MIPOL1: variants seen among roughly 807,000 people sequenced by gnomAD.
The protein encoded by MIPOL1 is mirror-image polydactyly gene 1 protein.
A neutral mutation model predicts 60.9 loss-of-function variants in MIPOL1; 57 were observed. That is an observed-to-expected ratio of 0.94 (90% confidence interval 0.76 to 1.17). The LOEUF is 1.17. MIPOL1 is among the 50% of genes most tolerant of loss of function. The pLI, the probability that MIPOL1 is intolerant of heterozygous loss-of-function variation, is 0.00. For synonymous variants in MIPOL1, 179 were observed against 168.8 expected, an observed-to-expected ratio of 1.06 and a Z score of -0.47; for missense variants, 551 against 511.6, an observed-to-expected ratio of 1.08 and a Z score of -0.74.
intron 1 of MIPOL1, among the ~76,000 whole-genome samples, chr14:37,214,186 C>T (rs974160233): frequency 2.0e-5 from 3 of 151,310 alleles, no homozygotes; most frequent in East Asian, 2.0e-4. Flanking sequence ...TACTATGGCA[C>T]GGTAACTGTG....
intron 7 of MIPOL1, among the ~76,000 whole-genome samples, chr14:37,286,359 G>A (rs936143902): frequency 3.3e-5 from 5 of 152,144 alleles, no homozygotes; most frequent in African/African-American, 7.2e-5. Context: ...TTGTCAGAGT[G>A]CAGATTCTGG....
At chr14:37,256,326 A>T (rs948827269) in intron 3 of MIPOL1, among the ~76,000 whole-genome samples, 1 of 151,934 alleles carries the variant, frequency 6.6e-6, no homozygotes, top group Non-Finnish European at 1.5e-5. Flanking sequence ...GACAGAACAA[A>T]TATGTAGTCC....
intron 12 of MIPOL1, among the ~76,000 whole-genome samples, chr14:37,542,466 C>T (rs1448961755): frequency 1.3e-5 from 2 of 152,090 alleles, no homozygotes; most frequent in Non-Finnish European, 2.9e-5. Flanking sequence ...CCATCTTTAA[C>T]CTCTTATTTT....
At chr14:37,371,320 A>G (rs1276204795) in intron 10 of MIPOL1, among the ~76,000 whole-genome samples, 4 of 152,004 alleles carry the variant, frequency 2.6e-5, no homozygotes, top group Non-Finnish European at 4.4e-5. Flanking sequence ...AGGTTTCACT[A>G]TGTTGGCCAG....
At chr14:37,253,353 G>T (rs1974409270) in intron 3 of MIPOL1, among the ~76,000 whole-genome samples, 1 of 151,690 alleles carries the variant, frequency 6.6e-6, no homozygotes, top group African/African-American at 2.4e-5. Context: ...GAAATAGAGA[G>T]ATAATCTATT....
intron 11 of MIPOL1, among the ~76,000 whole-genome samples, chr14:37,469,720 A>G (rs1317366264): frequency 6.6e-6 from 1 of 152,108 alleles, no homozygotes; most frequent in Non-Finnish European, 1.5e-5. Flanking sequence ...TGAATTGCTT[A>G]ATGCCATTAT....
intron 11 of MIPOL1, among the ~76,000 whole-genome samples, chr14:37,431,489 C>T (rs1410591507): frequency 6.6e-6 from 1 of 150,922 alleles, no homozygotes. Flanking sequence ...TTTAACAATA[C>T]CACATTACAT....
chr14:37,201,043 C>T (rs1656990934), intron 1 of MIPOL1, among the ~76,000 whole-genome samples: 1 of 151,290 alleles, frequency 6.6e-6, no homozygotes, highest in Non-Finnish European at 1.5e-5. Context: ...GCTAGGGTTA[C>T]AGGCACACAC....
chr14:37,407,723 A>G (rs887369666), intron 10 of MIPOL1, among the ~76,000 whole-genome samples: 6 of 152,180 alleles, frequency 3.9e-5, no homozygotes, highest in Non-Finnish European at 8.8e-5. Context: ...TACTGAGCTT[A>G]AAAGTGATAA....
chr14:37,289,049 T>A (rs2084829797), intron 7 of MIPOL1, among the ~76,000 whole-genome samples: 1 of 152,204 alleles, frequency 6.6e-6, no homozygotes, highest in Non-Finnish European at 1.5e-5. Context: ...AGCCAAAGTG[T>A]GCCCTGTTGT....
intron 11 of MIPOL1, among the ~76,000 whole-genome samples, chr14:37,482,978 C>T (rs1313981219): frequency 6.6e-6 from 1 of 152,112 alleles, no homozygotes; most frequent in African/African-American, 2.4e-5. Context: ...AACCTATGCA[C>T]ATCCTCCTAT....
At chr14:37,205,798 TC>T (rs1461168054) in intron 1 of MIPOL1, among the ~76,000 whole-genome samples, 1 of 152,196 alleles carries the variant, frequency 6.6e-6, no homozygotes, top group Non-Finnish European at 1.5e-5. Flanking sequence ...GGACATGATC[TC>T]ATGCTTTTTT....
chr14:37,534,906 T>C (rs928443521), intron 12 of MIPOL1, among the ~76,000 whole-genome samples: 1 of 152,090 alleles, frequency 6.6e-6, no homozygotes, highest in East Asian at 1.9e-4. Flanking sequence ...ATACCAAAGG[T>C]AGTATTTTAA....
At chr14:37,416,462 A>T (rs563723160) in intron 10 of MIPOL1, among the ~76,000 whole-genome samples, 1 of 152,154 alleles carries the variant, frequency 6.6e-6, no homozygotes, top group African/African-American at 2.4e-5. Context: ...GGTGTAGCCT[A>T]TTGCTCCTAG....
At chr14:37,433,648 C>T (rs906355508) in intron 11 of MIPOL1, among the ~76,000 whole-genome samples, 5 of 152,102 alleles carry the variant, frequency 3.3e-5, no homozygotes, top group African/African-American at 9.7e-5. Flanking sequence ...CTCTGCCTCC[C>T]AGGTTCAAGT....
chr14:37,234,019 T>TA (rs1178574361), intron 1 of MIPOL1, among the ~76,000 whole-genome samples: 1 of 152,216 alleles, frequency 6.6e-6, no homozygotes, highest in Non-Finnish European at 1.5e-5. Context: ...TTATCTCTGT[T>TA]ACAGTCTTCA....
intron 12 of MIPOL1, among the ~76,000 whole-genome samples, chr14:37,501,039 A>G (rs1373404861): frequency 1.3e-5 from 2 of 152,200 alleles, no homozygotes; most frequent in African/African-American, 4.8e-5. Flanking sequence ...CATCTTGACC[A>G]TTTCCTCAAT....
intron 3 of MIPOL1, among the ~76,000 whole-genome samples, chr14:37,266,296 A>G (rs1189588270): frequency 1.3e-5 from 2 of 152,206 alleles, no homozygotes; most frequent in East Asian, 3.9e-4. Context: ...TTTTAGGAAC[A>G]GATACATCTG....
At chr14:37,200,536 G>A (rs1040744358) in intron 1 of MIPOL1, among the ~76,000 whole-genome samples, 3 of 152,106 alleles carry the variant, frequency 2.0e-5, no homozygotes, top group Non-Finnish European at 4.4e-5. Flanking sequence ...CTAGTTAGAA[G>A]TTGTTTGGTG....
Sources: gnomAD v4.1 joint callset for allele counts (sites outside exome capture counted in the v4.1 genomes callset) on GRCh38, gnomAD v4.1.1 for gene constraint, MANE v1.5 for transcripts, NCBI Gene and HGNC (gene_info 2026-07-23, HGNC 2026-07-21) for gene names.